DAB1: variants seen among roughly 807,000 people sequenced by gnomAD.
DAB1 encodes DAB adaptor protein 1, also known as disabled homolog 1.
A neutral mutation model predicts 64.6 loss-of-function variants in DAB1; 15 were observed. The ratio of observed to expected loss-of-function variants is 0.23; its 90% CI spans 0.16 to 0.36. The LOEUF is 0.36. Among genes scored for constraint, DAB1 ranks in the 10% least tolerant of loss-of-function variants. The probability of loss-of-function intolerance (pLI) is 1.00; values close to 1 mark genes in which losing one functional copy is unlikely to be tolerated. For missense variants in DAB1, 596 were observed against 706.7 expected (o/e 0.84, Z 1.78); for synonymous variants, 235 against 251.9 (o/e 0.93, Z 0.64).
chr1:57,231,498 A>G (rs1299933052), intron 2 of DAB1, among the ~76,000 whole-genome samples: 1 of 152,228 alleles, frequency 6.6e-6, no homozygotes, highest in Non-Finnish European at 1.5e-5. Flanking sequence ...TGAATATTTA[A>G]TGAATGAGTA....
chr1:58,241,662 G>A (rs1034058366), intron 4 of DAB1, among the ~76,000 whole-genome samples: 1 of 152,008 alleles, frequency 6.6e-6, no homozygotes, highest in Non-Finnish European at 1.5e-5. Flanking sequence ...TAGGCAAAAT[G>A]ATTAATTATC....
At chr1:57,783,757 T>C (rs968339328) in intron 6 of DAB1, among the ~76,000 whole-genome samples, 1 of 152,188 alleles carries the variant, frequency 6.6e-6, no homozygotes, top group African/African-American at 2.4e-5. Context: ...ATATCTGTTA[T>C]GGTGATCTGT....
chr1:58,300,660 GGAAGGAAGGAAGGA>G (rs1662146249), intron 4 of DAB1, among the ~76,000 whole-genome samples: 5 of 115,014 alleles, frequency 4.3e-5, no homozygotes, highest in African/African-American at 1.8e-4. Flanking sequence ...AAGGAAGGAA[GGAAGGAAGGAAGGA>G]AGGAAGGAAG....
At chr1:58,484,344 T>C (rs983040594) in intron 3 of DAB1, among the ~76,000 whole-genome samples, 1 of 152,346 alleles carries the variant, frequency 6.6e-6, no homozygotes, top group South Asian at 2.1e-4. Flanking sequence ...AATAGAATGA[T>C]CTGATCAAAG....
chr1:57,450,097 C>T (rs562556615), intron 7 of DAB1, among the ~76,000 whole-genome samples: 8 of 152,312 alleles, frequency 5.3e-5, no homozygotes, highest in Middle Eastern at 6.8e-3. Context: ...ACTGTTAAAG[C>T]TATTTATGCT....
chr1:58,181,956 T>C (rs1281032913), intron 4 of DAB1, among the ~76,000 whole-genome samples: 5 of 152,034 alleles, frequency 3.3e-5, no homozygotes, highest in East Asian at 1.9e-4. Flanking sequence ...CAGAAAACTT[T>C]CTTTACTCTT....
At chr1:58,234,819 AG>A (rs1216468211) in intron 4 of DAB1, among the ~76,000 whole-genome samples, 1 of 152,208 alleles carries the variant, frequency 6.6e-6, no homozygotes, top group East Asian at 1.9e-4. Flanking sequence ...AGCCGGAGGA[AG>A]TGACACCCAG....
intron 1 of DAB1, among the ~76,000 whole-genome samples, chr1:57,412,484 C>G (rs777424247): frequency 1.3e-5 from 2 of 152,162 alleles, no homozygotes; most frequent in East Asian, 3.9e-4. Context: ...CAGCTCACTG[C>G]CAGTACTTAT....
intron 4 of DAB1, among the ~76,000 whole-genome samples, chr1:58,268,055 G>C (rs1308109778): frequency 6.8e-6 from 1 of 147,446 alleles, no homozygotes; most frequent in Non-Finnish European, 1.5e-5. Context: ...TTTGCGATCA[G>C]AGATCTAGAT....
At chr1:58,322,465 T>TGCAGCC (rs1296573424) in intron 4 of DAB1, among the ~76,000 whole-genome samples, 1 of 152,194 alleles carries the variant, frequency 6.6e-6, no homozygotes, top group Admixed American at 6.5e-5. Flanking sequence ...AAGACATCTG[T>TGCAGCC]GCAGCCAACA....
intron 1 of DAB1, among the ~76,000 whole-genome samples, chr1:57,834,622 T>C (rs2101907987): frequency 6.6e-6 from 1 of 151,846 alleles, no homozygotes; most frequent in East Asian, 1.9e-4. Context: ...GTTATATATA[T>C]ACATACACAG....
chr1:58,032,937 G>T (rs1205102239), intron 5 of DAB1, among the ~76,000 whole-genome samples: 1 of 152,128 alleles, frequency 6.6e-6, no homozygotes, highest in Non-Finnish European at 1.5e-5. Flanking sequence ...TCTTTCTCCT[G>T]TTTCAGGTCA....
chr1:58,013,676 T>G (rs1646700752), intron 5 of DAB1, among the ~76,000 whole-genome samples: 1 of 152,154 alleles, frequency 6.6e-6, no homozygotes, highest in African/African-American at 2.4e-5. Flanking sequence ...TCCCATTGCA[T>G]CCATTTTACT....
chr1:58,289,001 T>C (rs907409533), intron 4 of DAB1, among the ~76,000 whole-genome samples: 2 of 152,188 alleles, frequency 1.3e-5, no homozygotes, highest in African/African-American at 4.8e-5. Context: ...TAACTAATTT[T>C]AGTTTCCCTA....
intron 4 of DAB1, among the ~76,000 whole-genome samples, chr1:58,191,514 C>T (rs997251070): frequency 1.3e-5 from 2 of 152,038 alleles, no homozygotes; most frequent in Non-Finnish European, 2.9e-5. Context: ...AAGCTGAGGC[C>T]GAGAGAGGGG....
intron 3 of DAB1, among the ~76,000 whole-genome samples, chr1:57,142,504 C>G (rs1460772008): frequency 1.3e-5 from 2 of 151,752 alleles, no homozygotes; most frequent in Non-Finnish European, 2.9e-5. Context: ...AAGTTCAGTG[C>G]ATCTGACAGG....
At chr1:57,091,580 A>G (rs923388373) in intron 4 of DAB1, among the ~76,000 whole-genome samples, 2 of 152,216 alleles carry the variant, frequency 1.3e-5, no homozygotes, top group African/African-American at 4.8e-5. Flanking sequence ...TCAGAAGTTC[A>G]TGCTTTTTCT....
chr1:57,360,365 G>A (rs2100894684), intron 1 of DAB1, among the ~76,000 whole-genome samples: 1 of 152,158 alleles, frequency 6.6e-6, no homozygotes, highest in South Asian at 2.1e-4. Context: ...TCTTACATTT[G>A]TGCAAAATTA....
chr1:58,460,650 C>G (rs892718577), intron 3 of DAB1, among the ~76,000 whole-genome samples: 2 of 152,116 alleles, frequency 1.3e-5, no homozygotes, highest in Admixed American at 1.3e-4. Context: ...GAAAGAGGGT[C>G]CCTTCCCACG....
Sources: gnomAD v4.1 joint callset for allele counts (sites outside exome capture counted in the v4.1 genomes callset) on GRCh38, gnomAD v4.1.1 for gene constraint, MANE v1.5 for transcripts, NCBI Gene and HGNC (gene_info 2026-07-23, HGNC 2026-07-21) for gene names.